Variants in PRKN observed in about 807,000 individuals in gnomAD.
PRKN encodes the protein E3 ubiquitin-protein ligase parkin.
In PRKN, 56 loss-of-function variants were observed where a neutral mutation model predicts 59.5. The observed-to-expected ratio is 0.94, with a 90% CI of 0.76 to 1.18. The LOEUF (loss-of-function observed/expected upper bound fraction) is 1.18. Among genes scored for constraint, PRKN ranks in the 50% most tolerant of loss-of-function variants. The pLI, the probability that PRKN is intolerant of heterozygous loss-of-function variation, is 0.00. For missense variants in PRKN, 657 were observed against 596.4 expected, an observed-to-expected ratio of 1.10 and a Z score of -1.06; for synonymous variants, 250 against 222.1, an observed-to-expected ratio of 1.13 and a Z score of -1.12.
chr6:161,996,707 A>G (rs1781858059), intron 5 of PRKN, among the ~76,000 whole-genome samples: 1 of 152,200 alleles, frequency 6.6e-6, no homozygotes, highest in Non-Finnish European at 1.5e-5. Context: ...CATAGATAAC[A>G]ACACTATTCA....
Position 162,415,320 on chromosome 6 carries a change from G to A in PRKN, c.171+27990C>T, listed in dbSNP as rs1035019298. On this transcript the variant is annotated intron_variant, in intron 2 of 11. Transcript: ENST00000366898. The stretch of plus-strand genomic sequence containing the variant: ...CAAACAGAAGACACAATGTGGCACC[G>A]AAATGCAGCAATTGTGTGGAGGCAA... Among the ~76,000 whole-genome samples the A allele has an allele frequency of 3.9e-5, 6 of 152,266 alleles. No homozygotes were observed. In the East Asian group the frequency reaches 1.2e-3, roughly 29 times the overall value.
At chr6:162,082,938 C>T (rs76442782) in intron 4 of PRKN, among the ~76,000 whole-genome samples, 47,048 of 151,828 alleles carry the variant, frequency 0.31, 7,814 homozygotes, top group East Asian at 0.62. Context: ...ACTGATCATA[C>T]CCTAAAATTA....
chr6:161,802,857 T>G (rs6941641), intron 6 of PRKN, among the ~76,000 whole-genome samples: 4,329 of 152,306 alleles, frequency 0.028, 208 homozygotes, highest in African/African-American at 0.1. Context: ...ATCCAGTTGA[T>G]GGTGAGCTGA....
intron 2 of PRKN, among the ~76,000 whole-genome samples, chr6:162,385,561 C>G (rs575215374): frequency 6.6e-6 from 1 of 152,090 alleles, no homozygotes; most frequent in Admixed American, 6.6e-5. Context: ...AATGTGACAC[C>G]GTGGTGTTTA....
chr6:161,956,485 A>T (rs1488825915), intron 6 of PRKN, among the ~76,000 whole-genome samples: 1 of 152,204 alleles, frequency 6.6e-6, no homozygotes, highest in Non-Finnish European at 1.5e-5. Context: ...ATGGACAAGA[A>T]GCAAGTGAGA....
intron 3 of PRKN, among the ~76,000 whole-genome samples, chr6:162,208,204 T>C (rs916347431): frequency 1.3e-5 from 2 of 152,196 alleles, no homozygotes; most frequent in African/African-American, 4.8e-5. Flanking sequence ...CAATAGGTTA[T>C]TACACCCAAC....
rs1785526463 is a variant in PRKN, at chr6:161,373,537, G to T, written c.1167+13257C>A. On this transcript the variant is annotated intron_variant, in intron 10 of 11. Coordinates refer to ENST00000366898, the MANE Select transcript of PRKN (RefSeq NM_004562.3). This position sits in a 1 kb window ranked among gnomAD's most constrained non-coding sequence, Gnocchi z 4.8. ...TTACAGGGGTGCTGAGTTTAAACGA[G>T]CTATGCCTCTGTGTTTGCAGGGGTG... Among the ~76,000 whole-genome samples the T allele has an allele frequency of 6.6e-6, 1 of 151,868 alleles. No homozygotes were observed. The highest frequency in any genetic ancestry group is 2.1e-4 in the South Asian group (1 of 4,814).
intron 1 of PRKN, among the ~76,000 whole-genome samples, chr6:162,484,802 T>C (rs1180608337): frequency 1.3e-5 from 2 of 152,222 alleles, no homozygotes; most frequent in African/African-American, 2.4e-5. Context: ...GGGCATTTTG[T>C]TCCTTATTAT....
chr6:161,608,699 A>AT lies in PRKN; in HGVS notation c.872-39284dup, dbSNP rs939205505. On this transcript the variant is annotated intron_variant, in intron 7 of 11. Transcript: ENST00000366898. Reference sequence around the variant, plus strand: ...AGGTGTGTGCCACCACGCCCGGCTAATTTTTTTTTTTTTAATTTTTAGTAG... The same window carrying AT: ...AGGTGTGTGCCACCACGCCCGGCTAATTTTTTTTTTTTTTAATTTTTAGTAG... 5.8e-3 allele frequency among the ~76,000 whole-genome samples: 843 copies of AT among 145,534 alleles called. 6 individuals are homozygous for AT. Among genetic ancestry groups the AT allele is most frequent in the Middle Eastern group, 0.021 (6 of 284 alleles).
At chr6:162,181,074 C>T (rs919714277) in intron 4 of PRKN, among the ~76,000 whole-genome samples, 15 of 152,134 alleles carry the variant, frequency 9.9e-5, no homozygotes, top group African/African-American at 2.4e-4. Context: ...TCAGAAAGAA[C>T]GTGAAACAGC....
intron 6 of PRKN, among the ~76,000 whole-genome samples, chr6:161,906,384 C>T (rs1192585286): frequency 1.3e-5 from 2 of 151,994 alleles, no homozygotes; most frequent in Non-Finnish European, 2.9e-5. Context: ...TGACATTTGC[C>T]CAGCTTCCAC....
rs77935725 is a variant in PRKN at position 162,166,999 on chromosome 6, T to C, written c.534+34132A>G. ...TGAACCACCTGCACCTAAAACAGAGTCTTTGGTTCTGCTTTTACAGGAACC... is the reference window on the plus strand; with the variant it reads ...TGAACCACCTGCACCTAAAACAGAGCCTTTGGTTCTGCTTTTACAGGAACC... On this transcript the variant is annotated intron_variant, in intron 4 of 11. Coordinates refer to ENST00000366898, the MANE Select transcript of PRKN (RefSeq NM_004562.3). Among the ~76,000 whole-genome samples, 1,492 of 152,134 alleles carry C rather than the reference T, an allele frequency of 9.8e-3. 53 individuals are homozygous for C. In the East Asian group the frequency reaches 0.11, roughly 11 times the overall value.
intron 2 of PRKN, among the ~76,000 whole-genome samples, chr6:162,317,414 G>A (rs1469058302): frequency 6.6e-6 from 1 of 152,008 alleles, no homozygotes; most frequent in Non-Finnish European, 1.5e-5. Flanking sequence ...TAATTGTGAG[G>A]CCTCTCCAGG....
At position 161,773,412 on chromosome 6, in the gene PRKN, A is replaced by G. The variant is rs186019669; in HGVS notation, c.871+12360T>C. ...AACTGCTGACGAGGCAGGGGGAAAG[A>G]ATTCAGGCCATTCTACTATCTGTTT... On this transcript the variant is annotated intron_variant, in intron 7 of 11. Coordinates refer to ENST00000366898, the MANE Select transcript of PRKN (RefSeq NM_004562.3). Among the ~76,000 whole-genome samples, 5 of 152,284 alleles carry G rather than the reference A, an allele frequency of 3.3e-5. No homozygotes were observed. In the East Asian group the frequency reaches 9.7e-4, roughly 29 times the overall value.
chr6:162,585,582 G>A (rs1402033650), intron 1 of PRKN, among the ~76,000 whole-genome samples: 1 of 152,112 alleles, frequency 6.6e-6, no homozygotes, highest in African/African-American at 2.4e-5. Flanking sequence ...TTATTTACAT[G>A]CGTACATATG....
chr6:162,184,446 G>A (rs185254830), intron 4 of PRKN, among the ~76,000 whole-genome samples: 26 of 152,222 alleles, frequency 1.7e-4, no homozygotes, highest in African/African-American at 5.8e-4. Context: ...TCATGTGGGC[G>A]ATTTCACCCA....
At chr6:161,856,648 T>G (rs1403279083) in intron 6 of PRKN, among the ~76,000 whole-genome samples, 1 of 152,118 alleles carries the variant, frequency 6.6e-6, no homozygotes, top group African/African-American at 2.4e-5. Context: ...AACATCATAG[T>G]ATAAGGTGAT....
intron 1 of PRKN, among the ~76,000 whole-genome samples, chr6:162,676,928 G>A (rs1305087039): frequency 1.3e-5 from 2 of 152,034 alleles, no homozygotes; most frequent in Non-Finnish European, 2.9e-5. Context: ...GGGCATGGTG[G>A]TGGGTGCCTG....
At chr6:161,703,855 T>C (rs1356801003) in intron 7 of PRKN, among the ~76,000 whole-genome samples, 3 of 117,412 alleles carry the variant, frequency 2.6e-5, no homozygotes, top group African/African-American at 4.1e-5. Context: ...TTTTTTTTTT[T>C]TTTTTTTTTT....
Sources: allele counts gnomAD v4.1 joint callset (sites outside exome capture counted in the v4.1 genomes callset), GRCh38; gene constraint gnomAD v4.1.1; non-coding constraint Gnocchi (gnomAD v3.1); transcripts MANE v1.5; gene names NCBI Gene and HGNC (gene_info 2026-07-23, HGNC 2026-07-21).